Variants in AGAP4 observed in about 807,000 individuals in gnomAD.
The protein encoded by AGAP4 is arf-GAP with GTPase, ANK repeat and PH domain-containing protein 4.
AGAP4 carries 13 observed loss-of-function variants against 60.7 expected under a neutral mutation model. That is an observed-to-expected ratio of 0.21 (90% confidence interval 0.14 to 0.34). The LOEUF is 0.34. Among genes scored for constraint, AGAP4 ranks in the 10% least tolerant of loss-of-function variants. The probability of loss-of-function intolerance (pLI) is 1.00; values close to 1 mark genes in which losing one functional copy is unlikely to be tolerated. For synonymous variants in AGAP4, 70 were observed against 339.0 expected (o/e 0.21, Z 8.72); for missense variants, 169 against 884.0 (o/e 0.19, Z 10.26).
At chr10:45,841,762 C>T (rs2058922648) in intron 3 of AGAP4, 75 bp from the exon 4 acceptor site, 4 of 948,598 alleles carry the variant, frequency 4.2e-6, no homozygotes, top group Non-Finnish European at 5.9e-6. Flanking sequence ...TAACATCTTA[C>T]TGATTACTCC....
chr10:45,834,998 C>A (rs2058795458), intron 4 of AGAP4, among the ~76,000 whole-genome samples: 1 of 146,468 alleles, frequency 6.8e-6, no homozygotes, highest in African/African-American at 2.7e-5. Flanking sequence ...TGGTCTCGAT[C>A]TCCTCACCTC....
At chr10:45,848,073 T>A (rs1209768464), upstream of AGAP4, 32 of 991,686 alleles carry the variant, frequency 3.2e-5, no homozygotes, top group Non-Finnish European at 3.8e-5. Context: ...ATTTGCTGAC[T>A]AAATATAGAT....
At position 45,830,442 on chromosome 10, in the gene AGAP4, G is replaced by A. The variant is rs1375838341; in HGVS notation, c.533+952C>T. ...CCACCTCGGCCTCCCAAAATGCTGG[G>A]ATTACAGGTGTGAACCACTGCGCCC... is the stretch of plus-strand genomic sequence containing the variant. On this transcript the variant is annotated intron_variant, in intron 6 of 7. Coordinates refer to ENST00000616763, the MANE Select transcript of AGAP4 (RefSeq NM_001276343.3). Among the ~76,000 whole-genome samples the A allele has an allele frequency of 3.2e-5, 4 of 123,182 alleles. No homozygotes were observed. In the East Asian group the frequency reaches 9.4e-4, roughly 29 times the overall value. 80.8% of individuals were successfully genotyped at this position (123,182 alleles called of 152,430 possible).
chr10:45,843,660 C>T (rs1263972889), intron 3 of AGAP4, among the ~76,000 whole-genome samples: 5 of 132,342 alleles, frequency 3.8e-5, no homozygotes, highest in Non-Finnish European at 6.6e-5. Flanking sequence ...TAATAGAACC[C>T]TCACTTGTGT....
intron 3 of AGAP4, among the ~76,000 whole-genome samples, chr10:45,844,008 T>G (rs1287931033): frequency 3.3e-5 from 5 of 149,962 alleles, no homozygotes; most frequent in Non-Finnish European, 7.4e-5. Flanking sequence ...GAAAAGGGAT[T>G]GTAAATAAAG....
intron 4 of AGAP4, among the ~76,000 whole-genome samples, chr10:45,839,742 A>G (rs1554898452): frequency 8.6e-6 from 1 of 116,820 alleles, no homozygotes; most frequent in Non-Finnish European, 1.8e-5. Context: ...CAGGCCAGGA[A>G]CCACCACACA....
chr10:45,834,674 CAAAAAA>C lies in AGAP4; in HGVS notation c.397-564_397-559del, dbSNP rs1174820110. 2.0e-3 allele frequency among the ~76,000 whole-genome samples: 31 copies of C among 15,226 alleles called. 1 individual carries two copies. Among genetic ancestry groups the C allele is most frequent in the South Asian group, 0.013 (3 of 238 alleles). 10.0% of individuals were successfully genotyped at this position (15,226 alleles called of 152,430 possible). A position where few individuals can be genotyped will look rare whatever the true frequency, so the allele number is the denominator to read the frequency against. On this transcript the variant is annotated intron_variant, in intron 4 of 7. Transcript: ENST00000616763. The stretch of plus-strand genomic sequence containing the variant: ...CGGCAGACAAAGTGAGACTCCGCCT[CAAAAAA>C]AAAAAAAAAAAAAAAAAAGAAAAGT...
upstream of AGAP4, among the ~76,000 whole-genome samples, chr10:45,849,914 G>T (rs1475418149): frequency 6.6e-6 from 1 of 150,628 alleles, no homozygotes; most frequent in Non-Finnish European, 1.5e-5. Flanking sequence ...AGCCAGATTC[G>T]TATATTTTTA....
At chr10:45,849,570 G>A (rs1414763221), upstream of AGAP4, among the ~76,000 whole-genome samples, 3 of 150,760 alleles carry the variant, frequency 2.0e-5, no homozygotes, top group Admixed American at 6.6e-5. Flanking sequence ...ATTGTGTCTT[G>A]TAGATGTATA....
At chr10:45,853,306 G>A (rs1440909510) in intron 1 of AGAP4, among the ~76,000 whole-genome samples, 7 of 151,068 alleles carry the variant, frequency 4.6e-5, no homozygotes, top group East Asian at 1.9e-4. Flanking sequence ...CTTTAGAAGC[G>A]AATAATAGTC....
At chr10:45,846,624 T>A (rs1288802755) in intron 2 of AGAP4, 63 bp downstream of exon 2, 1 of 621,668 alleles carries the variant, frequency 1.6e-6, no homozygotes, top group Non-Finnish European at 2.8e-6. Flanking sequence ...AGAGAATAGC[T>A]CAAAGAAGCC....
chr10:45,847,238 C>A lies in AGAP4; in HGVS notation c.110G>T (p.Gly37Val). The change falls in exon 1 of 8, where the codon GGG becomes GTG. Residue 37 changes from glycine to valine, a missense_variant. Gly to Val is a moderately radical substitution (Grantham distance 109). Coordinates refer to ENST00000616763, the MANE Select transcript of AGAP4 (RefSeq NM_001276343.3). The stretch of plus-strand genomic sequence containing the variant: ...CATGGGCGCTCCTGCCATCCTGTCC[C>A]CAGCTCCTGCCTCATAGATCTCAGA... ...SESEIYEAGA[G>V]DRMAGAPMAA... 6.4e-7 allele frequency: 1 copy of A among 1,565,076 alleles called. No homozygotes were observed. The highest frequency in any genetic ancestry group is 8.6e-7 in the Non-Finnish European group (1 of 1,161,788).
intron 4 of AGAP4, among the ~76,000 whole-genome samples, chr10:45,836,996 A>G (rs1484728532): frequency 3.4e-5 from 5 of 147,422 alleles, no homozygotes; most frequent in African/African-American, 1.3e-4. Context: ...CCACCTGAGT[A>G]GATGGGATTA....
At chr10:45,852,950 C>T (rs1394969011) in intron 1 of AGAP4, among the ~76,000 whole-genome samples, 2 of 151,774 alleles carry the variant, frequency 1.3e-5, no homozygotes, top group African/African-American at 4.8e-5. Flanking sequence ...AACTAACATG[C>T]TATGCCACAA....
rs1270130131 is a variant in AGAP4 at position 45,830,230 on chromosome 10, T to C, written c.533+1164A>G. On this transcript the variant is annotated intron_variant, in intron 6 of 7. Coordinates refer to ENST00000616763, the MANE Select transcript of AGAP4 (RefSeq NM_001276343.3). ...CTCTGTCACCCAGGCTGGGGTGCAA[T>C]GGCGAGATCTCGGCTCACTGCAACC... is the stretch of plus-strand genomic sequence containing the variant. Among the ~76,000 whole-genome samples, 28 of 146,768 alleles carry C rather than the reference T, an allele frequency of 1.9e-4. 1 individual carries two copies. Among genetic ancestry groups the C allele is most frequent in the African/African-American group, 6.7e-4 (27 of 40,008 alleles).
chr10:45,850,816 A>G (rs1353473234), upstream of AGAP4, among the ~76,000 whole-genome samples: 1 of 151,778 alleles, frequency 6.6e-6, no homozygotes, highest in Non-Finnish European at 1.5e-5. Flanking sequence ...GGTAAGGAGG[A>G]AAAGACAGTT....
rs1161073535 is a variant in AGAP4 at position 45,847,473 on chromosome 10, C to G, written c.-126G>C. 4 of 1,530,434 alleles carry G rather than the reference C, an allele frequency of 2.6e-6. No homozygotes were observed. Among genetic ancestry groups the G allele is most frequent in the Non-Finnish European group, 3.5e-6 (4 of 1,145,384 alleles). 94.8% of individuals were successfully genotyped at this position (1,530,434 alleles called of 1,614,324 possible). ...GGTCTTCCCGCTCCTCGCCTGCCCA[C>G]CTCACAGCGCGGCCCCGGGCACCAG... On this transcript the variant is annotated 5_prime_UTR_variant, in exon 1 of 8. Transcript: ENST00000616763.
At chr10:45,849,472 TG>T (rs1554900079), upstream of AGAP4, among the ~76,000 whole-genome samples, 5 of 125,252 alleles carry the variant, frequency 4.0e-5, no homozygotes, top group African/African-American at 1.1e-4. Context: ...ATGATGATGA[TG>T]ATTATTATTA....
chr10:45,844,053 A>G (rs1176042156), intron 3 of AGAP4, among the ~76,000 whole-genome samples: 2 of 150,602 alleles, frequency 1.3e-5, no homozygotes, highest in African/African-American at 5.0e-5. Flanking sequence ...GATAAATCCA[A>G]GAATTATAAA....
Sources: gnomAD v4.1 joint callset for allele counts (sites outside exome capture counted in the v4.1 genomes callset) on GRCh38, gnomAD v4.1.1 for gene constraint, MANE v1.5 for transcripts, NCBI Gene and HGNC (gene_info 2026-07-23, HGNC 2026-07-21) for gene names.